Variants in DAPP1 observed in about 807,000 individuals in gnomAD.
DAPP1 encodes dual adaptor of phosphotyrosine and 3-phosphoinositides 1, also known as dual adapter for phosphotyrosine and 3-phosphotyrosine and 3-phosphoinositide.
Under a neutral mutation model 41.5 loss-of-function variants are expected in DAPP1, and 20 were observed. That is an observed-to-expected ratio of 0.48 (90% CI 0.34 to 0.70). The LOEUF (loss-of-function observed/expected upper bound fraction) is 0.70, where lower values mean the gene tolerates loss of function less well. Among genes scored for constraint, DAPP1 ranks in the 30% least tolerant of loss-of-function variants. DAPP1 has a pLI of 0.01. For missense variants in DAPP1, 233 were observed against 333.4 expected (o/e 0.70, Z 2.35); for synonymous variants, 113 against 116.2 (o/e 0.97, Z 0.18).
rs374882337 is a variant in DAPP1, at chr4:99,853,273, T to A, written c.414T>A (p.Ile138=). 70 of 1,613,750 alleles carry A rather than the reference T, an allele frequency of 4.3e-5. No homozygotes were observed. In the East Asian group the frequency reaches 8.5e-4, roughly 20 times the overall value. The change falls in exon 4 of 9, where the codon ATT becomes ATA. Residue 138 remains isoleucine, a synonymous_variant. Coordinates refer to ENST00000512369, the MANE Select transcript of DAPP1 (RefSeq NM_014395.3). The part of the protein sequence containing the change: ...PYPRKVEEPS[I]YESVRVHTAM... ...CAAGAAAAGTGGAAGAACCCTCCAT[T>A]TATGAATCTGTCCGGGTTCACACAG...
chr4:99,860,121 T>C (rs1293015535), intron 4 of DAPP1, among the ~76,000 whole-genome samples: 3 of 152,224 alleles, frequency 2.0e-5, no homozygotes, highest in Non-Finnish European at 4.4e-5. Context: ...TCTGTTACAG[T>C]TCATAGATTT....
intron 2 of DAPP1, 146 bp from the exon 3 acceptor site, chr4:99,840,143 A>G: frequency 2.0e-6 from 1 of 500,460 alleles, no homozygotes. Flanking sequence ...TAGTGATGCT[A>G]TTTAAAACTG....
intron 3 of DAPP1, among the ~76,000 whole-genome samples, chr4:99,843,873 C>T (rs1258015524): frequency 6.6e-6 from 1 of 152,186 alleles, no homozygotes; most frequent in Non-Finnish European, 1.5e-5. Flanking sequence ...ATATGTCATG[C>T]TGGATGCCCC....
intron 1 of DAPP1, among the ~76,000 whole-genome samples, chr4:99,828,568 G>A (rs1456242338): frequency 3.3e-5 from 5 of 152,122 alleles, no homozygotes; most frequent in Non-Finnish European, 7.4e-5. Context: ...CCACTATTCT[G>A]GAGCAATTTT....
intron 1 of DAPP1, among the ~76,000 whole-genome samples, chr4:99,818,243 A>G (rs1342725836): frequency 2.6e-5 from 4 of 152,198 alleles, no homozygotes; most frequent in East Asian, 1.9e-4. Flanking sequence ...GAATCTCTCT[A>G]TCCCTCTAGA....
At chr4:99,822,613 T>A (rs1020885596) in intron 1 of DAPP1, among the ~76,000 whole-genome samples, 1 of 152,116 alleles carries the variant, frequency 6.6e-6, no homozygotes, top group African/African-American at 2.4e-5. Flanking sequence ...TCACATGAAC[T>A]CAGACCCACC....
chr4:99,851,677 A>G (rs557071777), intron 3 of DAPP1, among the ~76,000 whole-genome samples: 4 of 151,552 alleles, frequency 2.6e-5, no homozygotes, highest in African/African-American at 9.7e-5. Context: ...AGTAGCTGAG[A>G]CTACAGGTGC....
intron 3 of DAPP1, among the ~76,000 whole-genome samples, chr4:99,842,955 C>G (rs1480604530): frequency 6.7e-6 from 1 of 148,944 alleles, no homozygotes; most frequent in East Asian, 1.9e-4. Flanking sequence ...GGGTTCACGC[C>G]AGAAGTACAG....
chr4:99,862,187 G>A (rs1307223634), intron 5 of DAPP1, among the ~76,000 whole-genome samples: 1 of 152,100 alleles, frequency 6.6e-6, no homozygotes. Context: ...AAGAGTCACG[G>A]TATTTAACCT....
chr4:99,872,077 A>C (rs989881890), downstream of DAPP1, among the ~76,000 whole-genome samples: 1 of 152,226 alleles, frequency 6.6e-6, no homozygotes, highest in African/African-American at 2.4e-5. Context: ...TAGTTTCAGG[A>C]GTACATGTGA....
At chr4:99,820,638 A>G (rs1158033943) in intron 1 of DAPP1, among the ~76,000 whole-genome samples, 2 of 152,240 alleles carry the variant, frequency 1.3e-5, no homozygotes, top group Non-Finnish European at 2.9e-5. Context: ...TTAGTCACAT[A>G]TAAGAGAAGT....
chr4:99,852,343 GA>G (rs1474340430), intron 3 of DAPP1, among the ~76,000 whole-genome samples: 2 of 151,778 alleles, frequency 1.3e-5, no homozygotes, highest in East Asian at 3.9e-4. Flanking sequence ...ATAGCAAGAA[GA>G]AAAAAAATCC....
chr4:99,846,010 T>C (rs1385602643), intron 3 of DAPP1, among the ~76,000 whole-genome samples: 2 of 152,172 alleles, frequency 1.3e-5, no homozygotes, highest in African/African-American at 4.8e-5. Context: ...TTCTCGATGT[T>C]TTTTTCCCCT....
intron 7 of DAPP1, 119 bp from the exon 8 acceptor site, chr4:99,865,910 TATATA>T (rs1457764610): frequency 2.2e-5 from 2 of 89,660 alleles, no homozygotes; most frequent in African/African-American, 1.1e-4. Flanking sequence ...AATATATATA[TATATA>T]TATATATATA....
chr4:99,870,743 A>G (rs927826776), downstream of DAPP1, among the ~76,000 whole-genome samples: 2 of 152,190 alleles, frequency 1.3e-5, no homozygotes, highest in Admixed American at 1.3e-4. Context: ...ATTAAGACAA[A>G]GTATTCGCAG....
intron 5 of DAPP1, among the ~76,000 whole-genome samples, chr4:99,862,736 T>C (rs1724281877): frequency 1.1e-4 from 1 of 8,980 alleles, no homozygotes; most frequent in Admixed American, 1.5e-3. Context: ...ATGAGCTTAA[T>C]GCATGAAATT....
At chr4:99,829,072 A>G (rs1723035742) in intron 1 of DAPP1, among the ~76,000 whole-genome samples, 1 of 152,208 alleles carries the variant, frequency 6.6e-6, no homozygotes, top group Admixed American at 6.5e-5. Context: ...GCAAATGTCT[A>G]GCATATCCAT....
chr4:99,818,698 AG>A (rs775808558), intron 1 of DAPP1, among the ~76,000 whole-genome samples: 2 of 152,110 alleles, frequency 1.3e-5, no homozygotes, highest in African/African-American at 2.4e-5. Context: ...CAAAAAAAAA[AG>A]GGTACATTCA....
intron 1 of DAPP1, among the ~76,000 whole-genome samples, chr4:99,827,928 T>G (rs1403876807): frequency 6.6e-6 from 1 of 152,226 alleles, no homozygotes; most frequent in East Asian, 1.9e-4. Flanking sequence ...TCTATAAGTA[T>G]CATCTATGTA....
Sources: gnomAD v4.1 joint callset for allele counts (sites outside exome capture counted in the v4.1 genomes callset) on GRCh38, gnomAD v4.1.1 for gene constraint, MANE v1.5 for transcripts, NCBI Gene and HGNC (gene_info 2026-07-23, HGNC 2026-07-21) for gene names.